The following MYH15 variants were observed in gnomAD, a reference collection of about 807,000 sequenced individuals.
The protein encoded by MYH15 is myosin heavy chain 15.
Under a neutral mutation model 240.5 loss-of-function variants are expected in MYH15, and 227 were observed. That is an observed-to-expected ratio of 0.94 (90% CI 0.85 to 1.05). The LOEUF (loss-of-function observed/expected upper bound fraction) is 1.05. MYH15 is among the 50% of genes least tolerant of loss of function. MYH15 has a pLI of 0.00. For synonymous variants in MYH15, 785 were observed against 796.7 expected (o/e 0.99, Z 0.25); for missense variants, 2,217 against 2,247.5 (o/e 0.99, Z 0.27).
chr3:108,416,981 C>T (rs773679474), intron 28 of MYH15, 51 bp from the exon 29 acceptor site: 15 of 1,386,928 alleles, frequency 1.1e-5, no homozygotes, highest in African/African-American at 2.9e-5. Flanking sequence ...CTATCTATTG[C>T]CTCCTTCACT....
At chr3:108,438,852 GAA>G (rs1248799623) in intron 24 of MYH15, among the ~76,000 whole-genome samples, 1 of 152,160 alleles carries the variant, frequency 6.6e-6, no homozygotes, top group Non-Finnish European at 1.5e-5. Context: ...CACCAGGAGA[GAA>G]TAAGTGTGTG....
chr3:108,482,001 T>C (rs1314264849), intron 11 of MYH15, among the ~76,000 whole-genome samples: 1 of 151,948 alleles, frequency 6.6e-6, no homozygotes, highest in African/African-American at 2.4e-5. Flanking sequence ...CTATCCATCG[T>C]AGGCAAGGAT....
At chr3:108,449,694 C>T (rs1262162098) in intron 21 of MYH15, among the ~76,000 whole-genome samples, 1 of 151,402 alleles carries the variant, frequency 6.6e-6, no homozygotes, top group Non-Finnish European at 1.5e-5. Flanking sequence ...TAATGTGACC[C>T]CAAAATCAAA....
chr3:108,386,622 C>T (rs1291313931), intron 38 of MYH15, among the ~76,000 whole-genome samples: 1 of 151,886 alleles, frequency 6.6e-6, no homozygotes, highest in Non-Finnish European at 1.5e-5. Flanking sequence ...TTCCCTTCTC[C>T]TCTTCCTCCC....
intron 8 of MYH15, 146 bp from the exon 9 acceptor site, chr3:108,492,741 G>A (rs1398891353): frequency 3.3e-6 from 2 of 610,982 alleles, no homozygotes; most frequent in African/African-American, 1.8e-5. Flanking sequence ...GAGGCCAGGA[G>A]TTTGAAAACA....
Position 108,398,295 on chromosome 3 carries a change from C to T in MYH15, c.5133+342G>A, listed in dbSNP as rs770836433. On this transcript the variant is annotated intron_variant, in intron 35 of 40. Transcript: ENST00000693548. ...TAAGCCAAGGAATGGCAAAGATTGCCGGTAAGCCACCAGAAACTAGGAAGG... is the reference window on the plus strand; with the variant it reads ...TAAGCCAAGGAATGGCAAAGATTGCTGGTAAGCCACCAGAAACTAGGAAGG... Among the ~76,000 whole-genome samples, 173 of 152,248 alleles carry T rather than the reference C, an allele frequency of 1.1e-3. 1 individual carries two copies. The highest frequency in any genetic ancestry group is 1.3e-3 in the African/African-American group (53 of 41,550).
intron 4 of MYH15, 78 bp from the exon 5 acceptor site, chr3:108,499,560 C>G (rs1357270540): frequency 6.4e-6 from 9 of 1,402,134 alleles, no homozygotes; most frequent in Non-Finnish European, 8.0e-6. Context: ...CAAAATTTCC[C>G]TAGCTACAAT....
chr3:108,409,622 A>G (rs2082573440), intron 31 of MYH15, among the ~76,000 whole-genome samples: 1 of 152,178 alleles, frequency 6.6e-6, no homozygotes, highest in Non-Finnish European at 1.5e-5. Context: ...TACGCCTCCA[A>G]CAGTAATGAA....
chr3:108,538,442 A>G, the MYH15 span, among the ~76,000 whole-genome samples: 1 of 152,212 alleles, frequency 6.6e-6, no homozygotes, highest in African/African-American at 2.4e-5. Context: ...ATTCTTTCAA[A>G]CTAAGAAGTA....
In MYH15 at chr3:108,428,525, G is replaced by A. The variant is rs768372395; in HGVS notation, c.3669C>T (p.Leu1223=). 5 of 1,614,044 alleles carry A rather than the reference G, an allele frequency of 3.1e-6. No individual in the cohort carries two copies. In the South Asian group the frequency reaches 4.4e-5, roughly 14 times the overall value. ...TTGTCATCTGCTCAACACGGGTCAGGAGGTCATCTACTTCTAGCTGCAAGT... is the reference window on the plus strand; with the variant it reads ...TTGTCATCTGCTCAACACGGGTCAGAAGGTCATCTACTTCTAGCTGCAAGT... ...KSDLQLEVDD[L]LTRVEQMTRA... is the part of the protein sequence containing the mutation. Residue 1223 remains leucine, a synonymous_variant, in exon 27 of 41, where the codon CTC becomes CTT. Coordinates refer to ENST00000693548, the MANE Select transcript of MYH15 (RefSeq NM_014981.3).
At chr3:108,462,059 C>G (rs141957228) in intron 16 of MYH15, 1 of 152,226 alleles carries the variant, frequency 6.6e-6, no homozygotes, top group Non-Finnish European at 1.5e-5. Context: ...AACGGAAACT[C>G]AAATGTGCAT....
At chr3:108,524,704 G>A (rs2603127) in intron 1 of MYH15, among the ~76,000 whole-genome samples, 23,078 of 151,926 alleles carry the variant, frequency 0.15, 2,177 homozygotes, top group Non-Finnish European at 0.22. Flanking sequence ...TGCAAGTAGC[G>A]TAGTTAGAAA....
chr3:108,466,027 C>T (rs542120809), intron 14 of MYH15, among the ~76,000 whole-genome samples: 28 of 152,304 alleles, frequency 1.8e-4, no homozygotes, highest in Admixed American at 7.8e-4. Context: ...CAGACCCTTG[C>T]CATCCACTTA....
At chr3:108,542,628 G>C in the MYH15 span, among the ~76,000 whole-genome samples, 2 of 152,066 alleles carry the variant, frequency 1.3e-5, no homozygotes, top group Non-Finnish European at 2.9e-5. Flanking sequence ...CACATGGTGT[G>C]CTGCACAGAT....
chr3:108,536,373 T>C, the MYH15 span, among the ~76,000 whole-genome samples: 1 of 152,220 alleles, frequency 6.6e-6, no homozygotes, highest in Admixed American at 6.5e-5. Flanking sequence ...AGAAAAACAG[T>C]TGTTCAAGAA....
intron 18 of MYH15, among the ~76,000 whole-genome samples, chr3:108,457,342 CA>C (rs1274176745): frequency 6.6e-6 from 1 of 152,192 alleles, no homozygotes. Context: ...GACACAACCA[CA>C]ACATTCTGTT....
At chr3:108,394,273 T>A in intron 35 of MYH15, 117 bp from the exon 36 acceptor site, 1 of 1,311,166 alleles carries the variant, frequency 7.6e-7, no homozygotes, top group Non-Finnish European at 1.1e-6. Flanking sequence ...TTTATTATAG[T>A]GAGCCATAGT....
intron 27 of MYH15, among the ~76,000 whole-genome samples, chr3:108,424,575 G>GGACCA (rs1415071166): frequency 9.9e-5 from 15 of 151,992 alleles, no homozygotes; most frequent in Admixed American, 2.0e-4. Flanking sequence ...AGAAATGCAG[G>GGACCA]GACCAATGGG....
At chr3:108,533,715 A>G (rs915861650), upstream of MYH15, among the ~76,000 whole-genome samples, 4 of 152,228 alleles carry the variant, frequency 2.6e-5, no homozygotes, top group African/African-American at 9.6e-5. Flanking sequence ...AAAGGAAACC[A>G]GAATACATGT....
Sources: allele counts gnomAD v4.1 joint callset (sites outside exome capture counted in the v4.1 genomes callset), GRCh38; gene constraint gnomAD v4.1.1; transcripts MANE v1.5; gene names NCBI Gene and HGNC (gene_info 2026-07-23, HGNC 2026-07-21).